Variants in PDE4D observed in about 807,000 individuals in gnomAD.
PDE4D encodes 3',5'-cyclic-AMP phosphodiesterase 4D.
PDE4D carries 24 observed loss-of-function variants against 87.4 expected under a neutral mutation model. The observed-to-expected ratio is 0.27, with a 90% CI of 0.20 to 0.39. The LOEUF (loss-of-function observed/expected upper bound fraction) is 0.39. Ranked by LOEUF, PDE4D falls within the 10% of genes least tolerant of loss-of-function variation. The pLI is 1.00. For missense variants in PDE4D, 714 were observed against 1,041.0 expected (o/e 0.69, Z 4.32); for synonymous variants, 384 against 383.2 (o/e 1.00, Z -0.02).
At chr5:60,424,542 A>G (rs1475167530) in intron 1 of PDE4D, among the ~76,000 whole-genome samples, 1 of 152,236 alleles carries the variant, frequency 6.6e-6, no homozygotes, top group Non-Finnish European at 1.5e-5. Flanking sequence ...TCCAAATAGT[A>G]AGAGCAATTT....
At chr5:59,132,400 C>A (rs924114378) in intron 5 of PDE4D, among the ~76,000 whole-genome samples, 4 of 151,956 alleles carry the variant, frequency 2.6e-5, no homozygotes, top group Admixed American at 2.6e-4. Flanking sequence ...TAGTTATCAG[C>A]GTATGTCATG....
intron 1 of PDE4D, among the ~76,000 whole-genome samples, chr5:59,809,176 T>C (rs1768067185): frequency 6.6e-6 from 1 of 152,224 alleles, no homozygotes; most frequent in South Asian, 2.1e-4. Flanking sequence ...TTTGCCCTCA[T>C]TAAGCAAAGA....
intron 5 of PDE4D, among the ~76,000 whole-genome samples, chr5:59,169,220 T>C (rs1482246041): frequency 6.6e-6 from 1 of 152,214 alleles, no homozygotes; most frequent in East Asian, 1.9e-4. Flanking sequence ...AGTCACTGTA[T>C]TTCTGAGTAT....
At chr5:59,123,232 A>C (rs1315743224) in intron 5 of PDE4D, among the ~76,000 whole-genome samples, 1 of 152,148 alleles carries the variant, frequency 6.6e-6, no homozygotes, top group Non-Finnish European at 1.5e-5. Flanking sequence ...CTATGCCTGA[A>C]CTTCATCTGG....
At chr5:60,423,325 A>G (rs1342555149) in intron 1 of PDE4D, among the ~76,000 whole-genome samples, 2 of 152,224 alleles carry the variant, frequency 1.3e-5, no homozygotes, top group African/African-American at 2.4e-5. Flanking sequence ...GTAAAAGAAC[A>G]GAAATTACAA....
chr5:59,305,379 GT>G (rs148616912), intron 1 of PDE4D, among the ~76,000 whole-genome samples: 99,701 of 150,724 alleles, frequency 0.66, 34,020 homozygotes, highest in African/African-American at 0.83. Context: ...TTTTTGTATG[GT>G]TTTTTTTTGT....
At chr5:59,830,368 A>G (rs560561858) in intron 1 of PDE4D, among the ~76,000 whole-genome samples, 1 of 152,234 alleles carries the variant, frequency 6.6e-6, no homozygotes, top group South Asian at 2.1e-4. Flanking sequence ...ATAAAACTCA[A>G]AAGGCTGAAA....
intron 5 of PDE4D, among the ~76,000 whole-genome samples, chr5:59,142,872 G>A (rs1464358672): frequency 2.0e-5 from 3 of 152,148 alleles, no homozygotes; most frequent in African/African-American, 4.8e-5. Context: ...AGCCGAGATC[G>A]TGCCACTGCA....
intron 3 of PDE4D, among the ~76,000 whole-genome samples, chr5:59,899,483 AAT>A (rs35237122): frequency 8.6e-5 from 13 of 150,502 alleles, no homozygotes; most frequent in Admixed American, 2.0e-4. Context: ...TTAAGTGGTA[AAT>A]ATATATATAT....
chr5:59,574,853 C>T (rs1822866439), intron 1 of PDE4D, among the ~76,000 whole-genome samples: 1 of 152,060 alleles, frequency 6.6e-6, no homozygotes. Context: ...TCAGGATGTT[C>T]TCTGACAAAA....
intron 1 of PDE4D, among the ~76,000 whole-genome samples, chr5:59,338,038 G>T (rs1487182753): frequency 6.6e-6 from 1 of 152,118 alleles, no homozygotes; most frequent in African/African-American, 2.4e-5. Context: ...AAAAACACAA[G>T]AACTACTTGT....
intron 1 of PDE4D, among the ~76,000 whole-genome samples, chr5:59,415,018 G>T (rs1022314016): frequency 4.6e-5 from 7 of 152,204 alleles, no homozygotes; most frequent in Non-Finnish European, 8.8e-5. Flanking sequence ...CATCCAGAGG[G>T]CATAATGTGG....
At chr5:60,185,830 G>A (rs560511416) in intron 1 of PDE4D, 1 of 282,398 alleles carries the variant, frequency 3.5e-6, no homozygotes, top group Admixed American at 5.2e-5. Flanking sequence ...CAATAAAAAA[G>A]TATACATAAG....
chr5:59,771,458 A>AAAGAAAGAAAGAGAGAG (rs1763459790), intron 1 of PDE4D, among the ~76,000 whole-genome samples: 4 of 78,952 alleles, frequency 5.1e-5, no homozygotes, highest in African/African-American at 2.4e-4. Context: ...AGAAAGAAAG[A>AAAGAAAGAAAGAGAGAG]AAGAAAGAAA....
intron 2 of PDE4D, among the ~76,000 whole-genome samples, chr5:59,209,805 T>G (rs1050690595): frequency 2.0e-5 from 3 of 152,236 alleles, no homozygotes; most frequent in African/African-American, 7.2e-5. Context: ...AACCCAATTT[T>G]GCAAAGATAT....
intron 3 of PDE4D, among the ~76,000 whole-genome samples, chr5:59,914,531 GATGT>G (rs1288596691): frequency 8.3e-6 from 1 of 120,054 alleles, no homozygotes; most frequent in Non-Finnish European, 1.7e-5. Flanking sequence ...AAGCCAGGAA[GATGT>G]ATGTGTGTGT....
intron 2 of PDE4D, among the ~76,000 whole-genome samples, chr5:60,164,272 A>T (rs1426295475): frequency 6.6e-6 from 1 of 152,206 alleles, no homozygotes; most frequent in Non-Finnish European, 1.5e-5. Context: ...CCAAGGACAC[A>T]GAGTAAAGAA....
chr5:59,484,485 C>A (rs945622243), intron 1 of PDE4D, among the ~76,000 whole-genome samples: 1 of 152,104 alleles, frequency 6.6e-6, no homozygotes, highest in Non-Finnish European at 1.5e-5. Context: ...TCTAGATAAT[C>A]TAGACCAGTT....
chr5:59,912,973 G>T (rs969806612), intron 3 of PDE4D, among the ~76,000 whole-genome samples: 7 of 152,162 alleles, frequency 4.6e-5, no homozygotes, highest in Non-Finnish European at 1.0e-4. Context: ...TGTTCTTCAA[G>T]CTGAGAACTG....
Sources: allele counts gnomAD v4.1 joint callset (sites outside exome capture counted in the v4.1 genomes callset), GRCh38; gene constraint gnomAD v4.1.1; transcripts MANE v1.5; gene names NCBI Gene and HGNC (gene_info 2026-07-23, HGNC 2026-07-21).